Variants in PRKG1 observed in about 807,000 individuals in gnomAD.
The protein encoded by PRKG1 is cGMP-dependent protein kinase 1.
PRKG1 carries 35 observed loss-of-function variants against 88.1 expected under a neutral mutation model. That is an observed-to-expected ratio of 0.40 (90% CI 0.30 to 0.53). PRKG1 has a LOEUF of 0.53. PRKG1 is among the 20% of genes least tolerant of loss of function. The pLI is 0.59. For synonymous variants in PRKG1, 303 were observed against 292.5 expected, an observed-to-expected ratio of 1.04 and a Z score of -0.37; for missense variants, 540 against 839.8, an observed-to-expected ratio of 0.64 and a Z score of 4.41.
In PRKG1 at chr10:51,275,838, C is replaced by A. The variant is rs60777158; in HGVS notation, c.478+122508C>A. On this transcript the variant is annotated intron_variant, in intron 2 of 17. Coordinates refer to ENST00000373980, the MANE Select transcript of PRKG1 (RefSeq NM_006258.4). ...ATATATCAGGAAAGGCTTCTTGTTG[C>A]TAAAGAAAAGGCAAGTAAAAGTGGC... 4.8e-3 allele frequency among the ~76,000 whole-genome samples: 724 copies of A among 151,514 alleles called. 7 individuals are homozygous for A. The highest frequency in any genetic ancestry group is 0.017 in the African/African-American group (684 of 41,246).
intron 10 of PRKG1, among the ~76,000 whole-genome samples, chr10:52,267,090 T>C (rs1325050399): frequency 6.6e-6 from 1 of 151,954 alleles, no homozygotes; most frequent in African/African-American, 2.4e-5. Flanking sequence ...TGGACACAAG[T>C]GGACTTTGTA....
At chr10:52,220,623 G>A (rs1053902049) in intron 9 of PRKG1, among the ~76,000 whole-genome samples, 4 of 152,092 alleles carry the variant, frequency 2.6e-5, no homozygotes, top group African/African-American at 4.8e-5. Context: ...ATGTGTCTAT[G>A]TATTCTCATC....
chr10:51,848,424 A>T (rs1036819449), intron 4 of PRKG1, among the ~76,000 whole-genome samples: 1 of 152,164 alleles, frequency 6.6e-6, no homozygotes, highest in Non-Finnish European at 1.5e-5. Context: ...CAATATCATG[A>T]TTAAAGAGAA....
chr10:52,265,285 C>T (rs1053622724), intron 10 of PRKG1, among the ~76,000 whole-genome samples: 6 of 152,042 alleles, frequency 3.9e-5, no homozygotes, highest in African/African-American at 1.4e-4. Context: ...AAGGGAGTAC[C>T]CTTCTCCTGC....
At position 52,109,594 on chromosome 10, in the gene PRKG1, C is replaced by G. The variant is rs181659192; in HGVS notation, c.936-24246C>G. Reference sequence around the variant, plus strand: ...CCAGCCTGGCCAACATAGTGACACCCCATCCCTACTAAAAATACAAAAATT... The same window carrying G: ...CCAGCCTGGCCAACATAGTGACACCGCATCCCTACTAAAAATACAAAAATT... On this transcript the variant is annotated intron_variant, in intron 7 of 17. Transcript: ENST00000373980. Among the ~76,000 whole-genome samples the G allele has an allele frequency of 2.6e-3, 393 of 152,148 alleles. 4 individuals are homozygous for G. The highest frequency in any genetic ancestry group is 9.1e-3 in the African/African-American group (379 of 41,534).
At chr10:51,084,188 G>T (rs1308364440) in intron 1 of PRKG1, among the ~76,000 whole-genome samples, 1 of 152,150 alleles carries the variant, frequency 6.6e-6, no homozygotes, top group Non-Finnish European at 1.5e-5. Context: ...CTTTCATTAT[G>T]AATCCAGCTT....
chr10:51,102,060 A>G (rs1029410649), intron 1 of PRKG1, among the ~76,000 whole-genome samples: 24 of 152,290 alleles, frequency 1.6e-4, no homozygotes, highest in African/African-American at 5.8e-4. Context: ...ATCATGGCCA[A>G]TGTCAAGCTA....
intron 2 of PRKG1, among the ~76,000 whole-genome samples, chr10:51,421,927 A>G (rs1838427104): frequency 6.6e-6 from 1 of 152,218 alleles, no homozygotes; most frequent in Admixed American, 6.6e-5. Context: ...AGTTTTCCAC[A>G]TTTGTAAAAT....
At chr10:52,065,366 A>C (rs1366219136) in intron 7 of PRKG1, among the ~76,000 whole-genome samples, 3 of 152,204 alleles carry the variant, frequency 2.0e-5, no homozygotes, top group Non-Finnish European at 4.4e-5. Context: ...TACTCCTAGC[A>C]TATGGGAACA....
At chr10:51,105,389 T>C (rs7073476) in intron 1 of PRKG1, among the ~76,000 whole-genome samples, 114,680 of 152,042 alleles carry the variant, frequency 0.75, 44,058 homozygotes, top group East Asian at 0.86. Flanking sequence ...TCTCCTACCT[T>C]GGATGTGTGG....
intron 9 of PRKG1, among the ~76,000 whole-genome samples, chr10:52,174,114 T>C (rs939815961): frequency 2.0e-5 from 3 of 151,928 alleles, no homozygotes; most frequent in Non-Finnish European, 4.4e-5. Context: ...TTTTAATTTA[T>C]TTTTTATTTT....
At chr10:51,293,776 T>C (rs1475635334) in intron 2 of PRKG1, among the ~76,000 whole-genome samples, 1 of 152,178 alleles carries the variant, frequency 6.6e-6, no homozygotes, top group African/African-American at 2.4e-5. Context: ...TGTTTTTACC[T>C]TTCTGAGGAA....
At chr10:51,969,243 A>G (rs1843646405) in intron 5 of PRKG1, among the ~76,000 whole-genome samples, 2 of 152,142 alleles carry the variant, frequency 1.3e-5, no homozygotes, top group Non-Finnish European at 2.9e-5. Context: ...AGTCTACTCA[A>G]TTTCTGGCAT....
At chr10:52,275,488 T>TGTAA (rs953148460) in intron 12 of PRKG1, among the ~76,000 whole-genome samples, 3 of 152,162 alleles carry the variant, frequency 2.0e-5, no homozygotes, top group Non-Finnish European at 4.4e-5. Flanking sequence ...ATCAGTTGGC[T>TGTAA]GTAAGTATTT....
At chr10:51,628,772 A>T (rs1309674420) in intron 3 of PRKG1, among the ~76,000 whole-genome samples, 1 of 151,448 alleles carries the variant, frequency 6.6e-6, no homozygotes, top group Non-Finnish European at 1.5e-5. Flanking sequence ...ATCCTGGCTA[A>T]CAGGGTGAAA....
intron 3 of PRKG1, among the ~76,000 whole-genome samples, chr10:51,479,763 A>G (rs16918469): frequency 0.014 from 2,089 of 150,628 alleles, 37 homozygotes; most frequent in African/African-American, 0.047. Context: ...TTAAATTGGA[A>G]TAGCAAGTAG....
intron 3 of PRKG1, among the ~76,000 whole-genome samples, chr10:51,512,771 C>A (rs531455945): frequency 7.7e-4 from 47 of 61,022 alleles, no homozygotes; most frequent in South Asian, 2.6e-3. Flanking sequence ...AATCGCCACA[C>A]TGACTTCCAC....
intron 3 of PRKG1, among the ~76,000 whole-genome samples, chr10:51,585,242 T>A (rs1158467671): frequency 6.6e-6 from 1 of 152,120 alleles, no homozygotes; most frequent in Non-Finnish European, 1.5e-5. Context: ...GGTAGTTTGA[T>A]CAAGGAAAAT....
rs550388749 is a variant in PRKG1, at chr10:51,641,379, C to A, written c.593-163206C>A. Among the ~76,000 whole-genome samples the A allele has an allele frequency of 3.3e-5, 5 of 152,190 alleles. No individual in the cohort carries two copies. In the East Asian group the frequency reaches 7.7e-4, roughly 24 times the overall value. On this transcript the variant is annotated intron_variant, in intron 3 of 17. Coordinates refer to ENST00000373980, the MANE Select transcript of PRKG1 (RefSeq NM_006258.4). ...GTTCACATCAATCATCAGACAGGAA[C>A]GGAACAAACTCCAAGGTGATGAATT...
Sources: allele counts gnomAD v4.1 joint callset (sites outside exome capture counted in the v4.1 genomes callset), GRCh38; gene constraint gnomAD v4.1.1; transcripts MANE v1.5; gene names NCBI Gene and HGNC (gene_info 2026-07-23, HGNC 2026-07-21).